KIF19: variants seen among roughly 807,000 people sequenced by gnomAD.
The protein encoded by KIF19 is kinesin family member 19.
In KIF19, 98 loss-of-function variants were observed where a neutral mutation model predicts 106.6. The ratio of observed to expected loss-of-function variants is 0.92; its 90% CI spans 0.78 to 1.09. KIF19 has a LOEUF of 1.09. Ranked by LOEUF, KIF19 falls within the 50% of genes least tolerant of loss-of-function variation. The pLI is 0.00. For missense variants in KIF19, 1,373 were observed against 1,414.3 expected, an observed-to-expected ratio of 0.97 and a Z score of 0.47; for synonymous variants, 516 against 584.2, an observed-to-expected ratio of 0.88 and a Z score of 1.68.
At position 74,346,867 on chromosome 17, in the gene KIF19, C is replaced by T. The variant is rs1030377367; in HGVS notation, c.924+343C>T. Among the ~76,000 whole-genome samples, 1 of 152,158 alleles carries T rather than the reference C, an allele frequency of 6.6e-6. No individual in the cohort carries two copies. The highest frequency in any genetic ancestry group is 2.4e-5 in the African/African-American group (1 of 41,422). On this transcript the variant is annotated intron_variant, in intron 8 of 19. Coordinates refer to ENST00000389916, the MANE Select transcript of KIF19 (RefSeq NM_153209.4). The surrounding 1 kb of genome is among the most constrained non-coding windows in gnomAD (Gnocchi z 4.6). ...TGCAGGTGGGCAGTCAGCCTCATGGCCCCACAGGTCAGCTGTTTGGGGGTG... is the reference window on the plus strand; with the variant it reads ...TGCAGGTGGGCAGTCAGCCTCATGGTCCCACAGGTCAGCTGTTTGGGGGTG...
At chr17:74,338,953 G>A (rs549596586) in intron 2 of KIF19, among the ~76,000 whole-genome samples, 1 of 151,990 alleles carries the variant, frequency 6.6e-6, no homozygotes, top group South Asian at 2.1e-4. Flanking sequence ...CACCAGCCCT[G>A]GCTCCCCTGC....
intron 12 of KIF19, chr17:74,351,375 C>G (rs1273353226): frequency 6.1e-6 from 1 of 165,244 alleles, no homozygotes; most frequent in Non-Finnish European, 1.3e-5. Context: ...CGCCTGTAAT[C>G]CCAGCTACTC....
At chr17:74,336,610 T>G (rs1285801963) in intron 2 of KIF19, among the ~76,000 whole-genome samples, 1 of 152,120 alleles carries the variant, frequency 6.6e-6, no homozygotes, top group African/African-American at 2.4e-5. Flanking sequence ...GGGACACAGT[T>G]CCACCTCTAA....
chr17:74,344,059 A>G (rs2054458760), intron 5 of KIF19, among the ~76,000 whole-genome samples, 164 bp from the exon 6 acceptor site: 2 of 152,126 alleles, frequency 1.3e-5, no homozygotes, highest in Non-Finnish European at 2.9e-5. Flanking sequence ...CATAGGAAGG[A>G]AAGGGCCTTT....
At chr17:74,328,383 G>T in intron 1 of KIF19, 42 bp from the exon 2 acceptor site, 1 of 1,565,262 alleles carries the variant, frequency 6.4e-7, no homozygotes, top group Non-Finnish European at 8.7e-7. Flanking sequence ...GCCCAGCATG[G>T]TCCTCTCCCT....
chr17:74,328,509 T>G lies in KIF19; in HGVS notation c.120+4T>G, dbSNP rs1326735766. On this transcript the variant is annotated splice_donor_region_variant and intron_variant, in intron 2 of 19. Transcript: ENST00000389916. ...CGCCCATAAAGTGGATGAGCAGGTA[T>G]GCAGGGCTCTGCAGCAGGAGCTGCA... 5.8e-6 allele frequency: 9 copies of G among 1,538,904 alleles called. No homozygotes were observed. The highest frequency in any genetic ancestry group is 8.0e-6 in the Non-Finnish European group (9 of 1,121,728).
At chr17:74,353,322 G>A in intron 16 of KIF19, 21 bp downstream of exon 16, 1 of 1,545,876 alleles carries the variant, frequency 6.5e-7, no homozygotes. Context: ...AGTACCCGAT[G>A]GCCCCACGAG....
chr17:74,341,923 G>A lies in KIF19; in HGVS notation c.168G>A (p.Arg56=), dbSNP rs2144247693. The A allele has an allele frequency of 6.2e-7, 1 of 1,612,922 alleles. No individual in the cohort carries two copies. Among genetic ancestry groups the A allele is most frequent in the Non-Finnish European group, 8.5e-7 (1 of 1,179,184 alleles). ...DPMEDPDDIL[R]AHRSREKSYL... is the part of the protein sequence containing the mutation. ...TGGAGGATCCCGACGACATCCTGCGGGCGCATCGCTCCCGGGAGAAGTCCT... is the reference window on the plus strand; with the variant it reads ...TGGAGGATCCCGACGACATCCTGCGAGCGCATCGCTCCCGGGAGAAGTCCT... Residue 56 remains arginine, a synonymous_variant, in exon 3 of 20, where the codon CGG becomes CGA. Coordinates refer to ENST00000389916, the MANE Select transcript of KIF19 (RefSeq NM_153209.4).
chr17:74,330,246 G>C (rs1251920948), intron 2 of KIF19, among the ~76,000 whole-genome samples: 1 of 152,208 alleles, frequency 6.6e-6, no homozygotes, highest in Non-Finnish European at 1.5e-5. Flanking sequence ...CCATTTGCCA[G>C]CTGTGCAGCC....
intron 10 of KIF19, among the ~76,000 whole-genome samples, chr17:74,349,805 T>C (rs1365310048): frequency 6.6e-6 from 1 of 152,044 alleles, no homozygotes; most frequent in African/African-American, 2.4e-5. Flanking sequence ...GTAAAGATTT[T>C]TTTTTTTTTT....
In KIF19 at chr17:74,346,268, T is replaced by C; in HGVS notation, c.778-110T>C. 2.3e-6 allele frequency: 3 copies of C among 1,277,162 alleles called. No individual in the cohort carries two copies. Among genetic ancestry groups the C allele is most frequent in the Non-Finnish European group, 3.2e-6 (3 of 926,588 alleles). 79.1% of individuals were successfully genotyped at this position (1,277,162 alleles called of 1,614,324 possible). On this transcript the variant is annotated intron_variant, in intron 7 of 19. Coordinates refer to ENST00000389916, the MANE Select transcript of KIF19 (RefSeq NM_153209.4). This position sits in a 1 kb window ranked among gnomAD's most constrained non-coding sequence, Gnocchi z 4.6. Reference sequence around the variant, plus strand: ...GGCAGGAGGACGGCCACAAGGTCCTTGGGGGTTTATTACCCAGGATCACCA... The same window carrying C: ...GGCAGGAGGACGGCCACAAGGTCCTCGGGGGTTTATTACCCAGGATCACCA...
At chr17:74,353,421 G>C in intron 16 of KIF19, 73 bp from the exon 17 acceptor site, 1 of 1,488,128 alleles carries the variant, frequency 6.7e-7, no homozygotes, top group Non-Finnish European at 9.3e-7. Flanking sequence ...AGGCCCCGCT[G>C]TCTCTGCTGA....
intron 1 of KIF19, among the ~76,000 whole-genome samples, chr17:74,327,751 G>A (rs369070547): frequency 3.9e-5 from 6 of 152,340 alleles, no homozygotes; most frequent in South Asian, 2.1e-4. Context: ...GATTACAGGC[G>A]TGAGCCACCA....
chr17:74,355,194 C>T lies in KIF19; in HGVS notation c.2879C>T (p.Ser960Phe). ...PPSQNTGPGD[S>F]SPLAVPPNPG... ...TTCCCTGTTGCAGGCCCGGGGGACTCCTCACCCCTGGCTGTTCCCCCCAAC... is the reference window on the plus strand; with the variant it reads ...TTCCCTGTTGCAGGCCCGGGGGACTTCTCACCCCTGGCTGTTCCCCCCAAC... Residue 960 changes from serine (S) to phenylalanine (F), a missense_variant, in exon 20 of 20, where the codon TCC (serine) becomes TTC (phenylalanine). Ser to Phe is a radical substitution (Grantham distance 155, BLOSUM62 -2). Coordinates refer to ENST00000389916, the MANE Select transcript of KIF19 (RefSeq NM_153209.4). 1 of 1,604,378 alleles carries T rather than the reference C, an allele frequency of 6.2e-7. No individual in the cohort carries two copies. The highest frequency in any genetic ancestry group is 1.3e-5 in the African/African-American group (1 of 74,810).
At chr17:74,351,208 C>T in intron 12 of KIF19, 1 of 397,788 alleles carries the variant, frequency 2.5e-6, no homozygotes, top group Non-Finnish European at 4.7e-6. Flanking sequence ...TCAGGCTGGG[C>T]ACAGTGACTC....
At chr17:74,335,570 G>A (rs998509719) in intron 2 of KIF19, among the ~76,000 whole-genome samples, 3 of 152,262 alleles carry the variant, frequency 2.0e-5, no homozygotes, top group African/African-American at 7.2e-5. Flanking sequence ...ACTCTGGAAA[G>A]GTCAAAATCT....
In KIF19 at chr17:74,352,117, G is replaced by A. The variant is rs1203692791; in HGVS notation, c.1838G>A (p.Gly613Asp). The change falls in exon 13 of 20, where the codon GGC becomes GAC. Residue 613 changes from glycine to aspartate, a missense_variant. Gly to Asp is a moderately conservative substitution (Grantham distance 94). Transcript: ENST00000389916. ...HRSLCDEIIQGQRQIIDDYNL... is the reference protein window; with the variant it reads ...HRSLCDEIIQDQRQIIDDYNL... ...AGTCTCTGCGACGAGATTATCCAGG[G>A]CCAGCGGCAGATCATCGACGGTAGG... 4 of 1,583,386 alleles carry A rather than the reference G, an allele frequency of 2.5e-6. No individual in the cohort carries two copies. Among genetic ancestry groups the A allele is most frequent in the Admixed American group, 1.7e-5 (1 of 57,378 alleles).
Position 74,354,245 on chromosome 17 carries a change from C to A in KIF19, c.2392C>A (p.Arg798=). 1 of 1,608,430 alleles carries A rather than the reference C, an allele frequency of 6.2e-7. No homozygotes were observed. The highest frequency in any genetic ancestry group is 1.3e-5 in the African/African-American group (1 of 75,054). The change falls in exon 18 of 20, where the codon CGA becomes AGA. Residue 798 remains arginine, a synonymous_variant. Coordinates refer to ENST00000389916, the MANE Select transcript of KIF19 (RefSeq NM_153209.4). ...RRSRALGTEG[R]HLLAPATERS... is the part of the protein sequence containing the mutation. Reference sequence around the variant, plus strand: ...CTCGCGGGCCCTGGGAACCGAGGGGCGACACCTGCTGGCACCCGCGACAGA... The same window carrying A: ...CTCGCGGGCCCTGGGAACCGAGGGGAGACACCTGCTGGCACCCGCGACAGA...
chr17:74,355,178 G>A lies in KIF19; in HGVS notation c.2867-4G>A, dbSNP rs2054844836. ...CACTGATCCTGCCCCTTTCCCTGTT[G>A]CAGGCCCGGGGGACTCCTCACCCCT... On this transcript the variant is annotated splice_region_variant and splice_polypyrimidine_tract_variant and intron_variant, in intron 19 of 19. Coordinates refer to ENST00000389916, the MANE Select transcript of KIF19 (RefSeq NM_153209.4). 6.3e-7 allele frequency: 1 copy of A among 1,589,728 alleles called. No homozygotes were observed. The highest frequency in any genetic ancestry group is 8.6e-7 in the Non-Finnish European group (1 of 1,166,010).
Sources: gnomAD v4.1 joint callset for allele counts (sites outside exome capture counted in the v4.1 genomes callset) on GRCh38, gnomAD v4.1.1 for gene constraint, Gnocchi (gnomAD v3.1) non-coding constraint, MANE v1.5 for transcripts, NCBI Gene and HGNC (gene_info 2026-07-23, HGNC 2026-07-21) for gene names.